The following ANK2 variants were observed in gnomAD, a reference collection of about 807,000 sequenced individuals.
The protein encoded by ANK2 is ankyrin 2.
Under a neutral mutation model 360.5 loss-of-function variants are expected in ANK2, and 83 were observed. The observed-to-expected ratio is 0.23, with a 90% confidence interval of 0.19 to 0.28. The LOEUF is 0.28. Among genes scored for constraint, ANK2 ranks in the 10% least tolerant of loss-of-function variants. The probability of loss-of-function intolerance (pLI) is 1.00; values close to 1 mark genes in which losing one functional copy is unlikely to be tolerated. For missense variants in ANK2, 4,201 were observed against 4,795.7 expected (o/e 0.88, Z 3.66); for synonymous variants, 1,740 against 1,759.5 (o/e 0.99, Z 0.28).
At position 113,293,493 on chromosome 4, in the gene ANK2, C is replaced by T. The variant is rs766919590; in HGVS notation, c.2430C>T (p.Val810=). 5.5e-5 allele frequency: 89 copies of T among 1,613,696 alleles called. 1 individual carries two copies. In the South Asian group the frequency reaches 5.6e-4, roughly 10 times the overall value. ...IAKRLGYISV[V]DTLKVVTEEV... ...AGCGTCTGGGCTACATCTCCGTGGT[C>T]GACACCCTGAAGGTTGTGACTGAGG... Residue 810 remains valine (V), a synonymous_variant, in exon 22 of 46, where the codon GTC becomes GTT. Coordinates refer to ENST00000357077, the MANE Select transcript of ANK2 (RefSeq NM_001148.6).
At chr4:113,320,513 G>A (rs554145431) in intron 26 of ANK2, among the ~76,000 whole-genome samples, 29 of 152,134 alleles carry the variant, frequency 1.9e-4, no homozygotes, top group South Asian at 1.5e-3. Context: ...TTAGCCGGGC[G>A]TGGTGGTGGT....
chr4:113,205,544 T>C (rs2098935051), intron 4 of ANK2, among the ~76,000 whole-genome samples: 1 of 152,224 alleles, frequency 6.6e-6, no homozygotes, highest in African/African-American at 2.4e-5. Context: ...GAAAATATTG[T>C]TTCAAAAGAA....
chr4:112,821,241 G>A (rs114807585), intron 1 of ANK2, among the ~76,000 whole-genome samples: 2,699 of 152,066 alleles, frequency 0.018, 88 homozygotes, highest in African/African-American at 0.062. Context: ...TAGAGATGGA[G>A]TCTTGCTGTG....
At chr4:113,117,677 A>G (rs1484712945) in intron 1 of ANK2, among the ~76,000 whole-genome samples, 3 of 152,020 alleles carry the variant, frequency 2.0e-5, no homozygotes, top group Admixed American at 2.0e-4. Context: ...AATTATCTTT[A>G]TTTAATCTCA....
the ANK2 span, among the ~76,000 whole-genome samples, chr4:112,781,642 TA>T: frequency 1.3e-5 from 2 of 152,098 alleles, no homozygotes; most frequent in Non-Finnish European, 2.9e-5. Flanking sequence ...ACACAGACTC[TA>T]TTTTTTTTAC....
At chr4:113,142,606 G>A (rs2096672559) in intron 1 of ANK2, among the ~76,000 whole-genome samples, 1 of 151,976 alleles carries the variant, frequency 6.6e-6, no homozygotes, top group African/African-American at 2.4e-5. Context: ...TAGCAGTGGG[G>A]TTCAGGGATC....
At chr4:112,857,253 T>C (rs1227576780) in intron 1 of ANK2, among the ~76,000 whole-genome samples, 3 of 152,148 alleles carry the variant, frequency 2.0e-5, no homozygotes, top group Non-Finnish European at 4.4e-5. Context: ...CAATTAACAA[T>C]AGCCATGTGG....
chr4:113,315,631 G>T (rs541102891), intron 24 of ANK2, among the ~76,000 whole-genome samples: 1 of 152,132 alleles, frequency 6.6e-6, no homozygotes, highest in Non-Finnish European at 1.5e-5. Flanking sequence ...GGGCATAGTG[G>T]CTCACGCCTG....
chr4:112,723,209 GT>G, the ANK2 span, among the ~76,000 whole-genome samples: 4 of 152,278 alleles, frequency 2.6e-5, no homozygotes, highest in Admixed American at 2.6e-4. Flanking sequence ...TGAATCTTAT[GT>G]TTAGTTTCAT....
chr4:112,845,696 G>T (rs994198137), intron 1 of ANK2, among the ~76,000 whole-genome samples: 1 of 152,184 alleles, frequency 6.6e-6, no homozygotes, highest in Non-Finnish European at 1.5e-5. Context: ...GTCTGTGTGG[G>T]TTTAATATTG....
chr4:113,306,874 C>T (rs749668950), intron 23 of ANK2, among the ~76,000 whole-genome samples: 19 of 151,972 alleles, frequency 1.3e-4, no homozygotes, highest in East Asian at 5.8e-4. Flanking sequence ...AATATGGCAG[C>T]GAAATGCAAG....
At chr4:113,111,314 C>T (rs1022432109) in intron 1 of ANK2, among the ~76,000 whole-genome samples, 2 of 152,060 alleles carry the variant, frequency 1.3e-5, no homozygotes, top group African/African-American at 4.8e-5. Flanking sequence ...TCAAACTTAC[C>T]AATAAAATTG....
At chr4:113,124,448 C>T (rs2095542755) in intron 1 of ANK2, among the ~76,000 whole-genome samples, 1 of 152,112 alleles carries the variant, frequency 6.6e-6, no homozygotes, top group South Asian at 2.1e-4. Context: ...TTCAATACTC[C>T]TAACTCTTCA....
intron 1 of ANK2, among the ~76,000 whole-genome samples, chr4:112,819,901 C>T (rs1452138095): frequency 3.3e-5 from 5 of 152,102 alleles, no homozygotes; most frequent in Admixed American, 1.3e-4. Flanking sequence ...CTGATCTGGC[C>T]CTCCGTCTCT....
intron 4 of ANK2, among the ~76,000 whole-genome samples, chr4:113,217,993 G>A (rs1316568346): frequency 1.3e-5 from 2 of 152,198 alleles, no homozygotes; most frequent in Non-Finnish European, 2.9e-5. Context: ...CACACTGCCT[G>A]CTCTAACTGC....
chr4:112,862,226 T>C (rs888692362), intron 1 of ANK2, among the ~76,000 whole-genome samples: 2 of 152,224 alleles, frequency 1.3e-5, no homozygotes, highest in Non-Finnish European at 2.9e-5. Flanking sequence ...ATTTTAAAAA[T>C]AGGAAGGAAG....
the ANK2 span, among the ~76,000 whole-genome samples, chr4:112,776,241 T>A: frequency 6.6e-6 from 1 of 152,180 alleles, no homozygotes; most frequent in Non-Finnish European, 1.5e-5. Context: ...ACATACAAAT[T>A]TATTTAATAT....
chr4:113,131,425 C>A (rs2096025201), intron 1 of ANK2, among the ~76,000 whole-genome samples: 1 of 152,180 alleles, frequency 6.6e-6, no homozygotes, highest in Admixed American at 6.5e-5. Context: ...TCTGAATTGT[C>A]TGGGAATAGG....
the ANK2 span, among the ~76,000 whole-genome samples, chr4:112,705,943 G>C: frequency 6.6e-6 from 1 of 151,464 alleles, no homozygotes; most frequent in South Asian, 2.1e-4. Context: ...GGATGTAGGT[G>C]GCGCGGGAGG....
Sources: allele counts gnomAD v4.1 joint callset (sites outside exome capture counted in the v4.1 genomes callset), GRCh38; gene constraint gnomAD v4.1.1; transcripts MANE v1.5; gene names NCBI Gene and HGNC (gene_info 2026-07-23, HGNC 2026-07-21).